Variants in SGCD observed in about 807,000 individuals in gnomAD.
SGCD encodes delta-sarcoglycan.
In SGCD, 18 loss-of-function variants were observed where a neutral mutation model predicts 36.6. The ratio of observed to expected loss-of-function variants is 0.49; its 90% CI spans 0.34 to 0.73. The LOEUF (loss-of-function observed/expected upper bound fraction) is 0.73, where lower values mean the gene tolerates loss of function less well. Ranked by LOEUF, SGCD falls within the 30% of genes least tolerant of loss-of-function variation. The pLI is 0.01. For synonymous variants in SGCD, 133 were observed against 130.6 expected (o/e 1.02, Z -0.12); for missense variants, 387 against 346.7 (o/e 1.12, Z -0.92).
rs568959295 is a variant in SGCD, at chr5:156,088,294, G to T, written c.-281-29584G>T. Among the ~76,000 whole-genome samples the T allele has an allele frequency of 3.9e-5, 6 of 152,160 alleles. No individual in the cohort carries two copies. In the South Asian group the frequency reaches 1.2e-3, roughly 32 times the overall value. ...GGGGCCAGTGTGGTTACTGTTTCTT[G>T]TGTTACATTTATCGAGAAAGGCTTC... is the stretch of plus-strand genomic sequence containing the variant. On this transcript the variant is annotated intron_variant, in intron 1 of 9. Coordinates refer to the SGCD transcript ENST00000517913.
intron 1 of SGCD, among the ~76,000 whole-genome samples, chr5:156,043,587 T>C (rs550921316): frequency 2.0e-5 from 3 of 152,212 alleles, no homozygotes. Flanking sequence ...ACAGTTTTAC[T>C]GCTTGGAAAA....
chr5:155,746,431 G>A, the SGCD span, among the ~76,000 whole-genome samples: 2 of 152,144 alleles, frequency 1.3e-5, no homozygotes, highest in South Asian at 4.1e-4. Context: ...TGGGCTGACA[G>A]TAGCAGCCAG....
chr5:156,585,374 T>C (rs1760450874), intron 4 of SGCD, among the ~76,000 whole-genome samples: 1 of 152,246 alleles, frequency 6.6e-6, no homozygotes, highest in East Asian at 1.9e-4. Flanking sequence ...AATAATAATG[T>C]TAATAATAGA....
intron 1 of SGCD, among the ~76,000 whole-genome samples, chr5:155,971,206 G>A (rs1758001253): frequency 6.6e-6 from 1 of 152,152 alleles, no homozygotes; most frequent in Non-Finnish European, 1.5e-5. Flanking sequence ...AAGAAAGTAA[G>A]GGAGGAGACT....
chr5:155,944,294 A>G (rs1757394606), intron 1 of SGCD, among the ~76,000 whole-genome samples: 1 of 152,224 alleles, frequency 6.6e-6, no homozygotes, highest in Non-Finnish European at 1.5e-5. Flanking sequence ...GGATAAAAGT[A>G]AATGTGTATA....
At chr5:156,371,718 TC>T (rs1001180998) in intron 3 of SGCD, among the ~76,000 whole-genome samples, 4 of 152,194 alleles carry the variant, frequency 2.6e-5, no homozygotes, top group African/African-American at 7.2e-5. Context: ...CTTTGAGTTG[TC>T]CATTAGACTT....
chr5:156,657,200 T>C (rs1763719067), intron 7 of SGCD, among the ~76,000 whole-genome samples: 1 of 152,026 alleles, frequency 6.6e-6, no homozygotes, highest in Non-Finnish European at 1.5e-5. Context: ...AGTACCAAAA[T>C]ATTGGATAAA....
At chr5:156,194,756 T>C (rs4704989) in intron 3 of SGCD, among the ~76,000 whole-genome samples, 46,904 of 151,920 alleles carry the variant, frequency 0.31, 7,714 homozygotes, top group East Asian at 0.6. Context: ...TTGAAGTTCC[T>C]GTAGAGTTCT....
chr5:156,115,650 A>G (rs1761890745), intron 1 of SGCD, among the ~76,000 whole-genome samples: 1 of 152,236 alleles, frequency 6.6e-6, no homozygotes, highest in African/African-American at 2.4e-5. Context: ...TTGTAAATCA[A>G]GATCCAAGTG....
intron 2 of SGCD, among the ~76,000 whole-genome samples, chr5:156,342,509 T>C (rs1448104623): frequency 6.6e-6 from 1 of 152,252 alleles, no homozygotes; most frequent in East Asian, 1.9e-4. Context: ...TAGAATATGA[T>C]CTGATGGAAA....
At chr5:155,782,217 G>C in the SGCD span, among the ~76,000 whole-genome samples, 6 of 151,782 alleles carry the variant, frequency 4.0e-5, no homozygotes, top group Non-Finnish European at 7.4e-5. Flanking sequence ...TAGAGACAGC[G>C]TTTTGTCATG....
intron 1 of SGCD, among the ~76,000 whole-genome samples, chr5:155,990,350 A>G (rs550403285): frequency 9.2e-5 from 14 of 152,312 alleles, no homozygotes; most frequent in Non-Finnish European, 2.1e-4. Context: ...ATGACATATA[A>G]AGATTTTTTA....
chr5:155,770,910 T>TA, the SGCD span, among the ~76,000 whole-genome samples: 1 of 152,172 alleles, frequency 6.6e-6, no homozygotes, highest in Non-Finnish European at 1.5e-5. Context: ...GGTTTTGCTT[T>TA]AAAAAACAGA....
chr5:156,334,275 G>A (rs1290658291), intron 2 of SGCD, among the ~76,000 whole-genome samples: 2 of 152,160 alleles, frequency 1.3e-5, no homozygotes, highest in Non-Finnish European at 2.9e-5. Flanking sequence ...AAGAGTATCT[G>A]CCACTACTAT....
chr5:156,707,059 T>C (rs961637368), intron 7 of SGCD, among the ~76,000 whole-genome samples: 1 of 152,198 alleles, frequency 6.6e-6, no homozygotes, highest in Non-Finnish European at 1.5e-5. Context: ...ACAACCACTT[T>C]TATATCAAAA....
intron 3 of SGCD, among the ~76,000 whole-genome samples, chr5:156,260,655 T>C (rs1188283915): frequency 6.6e-6 from 1 of 152,142 alleles, no homozygotes; most frequent in African/African-American, 2.4e-5. Flanking sequence ...TTACTTACTT[T>C]CTAAACTGTA....
chr5:156,284,411 C>G (rs1205571561), intron 3 of SGCD, among the ~76,000 whole-genome samples: 2 of 152,098 alleles, frequency 1.3e-5, no homozygotes, highest in Non-Finnish European at 2.9e-5. Flanking sequence ...AACATCGATG[C>G]AAAAATCCTC....
upstream of SGCD, among the ~76,000 whole-genome samples, chr5:156,322,168 T>G (rs538332007): frequency 1.3e-4 from 20 of 152,338 alleles, no homozygotes; most frequent in African/African-American, 4.8e-4. Flanking sequence ...CTCACAAGTC[T>G]TTTGGATAAA....
intron 6 of SGCD, among the ~76,000 whole-genome samples, chr5:156,635,437 G>C (rs541775965): frequency 6.6e-6 from 1 of 152,220 alleles, no homozygotes; most frequent in South Asian, 2.1e-4. Flanking sequence ...ACTGTTGGTG[G>C]GACTGTAAAC....
Sources: allele counts gnomAD v4.1 joint callset (sites outside exome capture counted in the v4.1 genomes callset), GRCh38; gene constraint gnomAD v4.1.1; transcripts MANE v1.5; gene names NCBI Gene and HGNC (gene_info 2026-07-23, HGNC 2026-07-21).